Variants in LIN54 observed in about 807,000 individuals in gnomAD.
LIN54 encodes the protein protein lin-54 homolog.
A neutral mutation model predicts 78.7 loss-of-function variants in LIN54; 9 were observed. The ratio of observed to expected loss-of-function variants is 0.11; its 90% confidence interval spans 0.07 to 0.20. LIN54 has a LOEUF of 0.20. Among genes scored for constraint, LIN54 ranks in the 10% least tolerant of loss-of-function variants. The pLI, the probability that LIN54 is intolerant of heterozygous loss-of-function variation, is 1.00. For missense variants in LIN54, 573 were observed against 889.9 expected (o/e 0.64, Z 4.53); for synonymous variants, 269 against 318.4 (o/e 0.84, Z 1.65).
chr4:82,938,770 G>A (rs1722605426), intron 7 of LIN54, among the ~76,000 whole-genome samples: 1 of 152,190 alleles, frequency 6.6e-6, no homozygotes, highest in Non-Finnish European at 1.5e-5. Context: ...GGAATGATAG[G>A]AAATGCTAGA....
At chr4:82,982,862 T>G (rs1449146504) in intron 2 of LIN54, among the ~76,000 whole-genome samples, 1 of 152,182 alleles carries the variant, frequency 6.6e-6, no homozygotes, top group African/African-American at 2.4e-5. Flanking sequence ...AAAACATTAC[T>G]CTAATATCAG....
At chr4:82,999,421 G>A (rs1186823772) in intron 1 of LIN54, among the ~76,000 whole-genome samples, 1 of 152,212 alleles carries the variant, frequency 6.6e-6, no homozygotes, top group African/African-American at 2.4e-5. Context: ...CAGCAGATAC[G>A]AAAACCTTGC....
intron 4 of LIN54, among the ~76,000 whole-genome samples, chr4:82,947,222 TATATATATATATA>T (rs1204339235): frequency 1.8e-4 from 3 of 17,034 alleles, no homozygotes; most frequent in African/African-American, 5.4e-4. Flanking sequence ...TATATATATA[TATATATATATATA>T]TTTTTTTTTT....
At chr4:82,989,305 A>G (rs1369961782) in intron 1 of LIN54, among the ~76,000 whole-genome samples, 1 of 152,196 alleles carries the variant, frequency 6.6e-6, no homozygotes, top group African/African-American at 2.4e-5. Flanking sequence ...GTTTTGGGAC[A>G]CCAAAGTACT....
Position 83,010,685 on chromosome 4 carries a change from TCGCCGC to T in LIN54, c.-240_-235del, listed in dbSNP as rs1033848212. 18 of 1,154,232 alleles carry T rather than the reference TCGCCGC, an allele frequency of 1.6e-5. 1 individual carries two copies. Among genetic ancestry groups the T allele is most frequent in the Middle Eastern group, 3.5e-4 (1 of 2,828 alleles). The allele number at this position is 1,154,232 out of a possible 1,614,324, so 71.5% of individuals were successfully genotyped here. On this transcript the variant is annotated 5_prime_UTR_variant, in exon 1 of 13. Transcript: ENST00000340417. ...GGGAGCCGGGGTGGCGACGTCGCCG[TCGCCGC>T]CGCCTCTGGTATGTCAGGGGCCGGG...
upstream of LIN54, chr4:83,011,942 G>C: frequency 1.4e-6 from 1 of 722,520 alleles, no homozygotes; most frequent in Non-Finnish European, 1.7e-6. Context: ...CTGCGAACAG[G>C]GCCACTCTAC....
chr4:82,952,784 A>T (rs1429372438), intron 4 of LIN54, among the ~76,000 whole-genome samples: 1 of 152,198 alleles, frequency 6.6e-6, no homozygotes, highest in African/African-American at 2.4e-5. Context: ...TTCAGCCCTA[A>T]AAAGGAAGGG....
chr4:82,935,749 AT>A (rs939286319), intron 11 of LIN54, among the ~76,000 whole-genome samples: 1 of 152,168 alleles, frequency 6.6e-6, no homozygotes, highest in Non-Finnish European at 1.5e-5. Flanking sequence ...CCAAGAAGTT[AT>A]GGTAAATCAC....
At chr4:82,944,596 A>AC (rs1723203227) in intron 5 of LIN54, 1 of 942 alleles carries the variant, frequency 1.1e-3, no homozygotes, top group South Asian at 0.5. Context: ...TAAGATATAT[A>AC]CTAAATACTG....
chr4:82,963,621 T>C (rs923381067), intron 4 of LIN54, among the ~76,000 whole-genome samples: 8 of 151,826 alleles, frequency 5.3e-5, no homozygotes, highest in Non-Finnish European at 7.4e-5. Context: ...CATTAAGTAA[T>C]ATAAATTGGA....
chr4:82,938,144 A>G (rs112885877), intron 8 of LIN54, among the ~76,000 whole-genome samples: 185 of 152,328 alleles, frequency 1.2e-3, no homozygotes, highest in Middle Eastern at 6.8e-3. Flanking sequence ...AAGATAAAAA[A>G]TAGTTAGCAT....
intron 5 of LIN54, among the ~76,000 whole-genome samples, chr4:82,945,772 G>T (rs1723305535): frequency 1.3e-5 from 2 of 152,184 alleles, no homozygotes; most frequent in Non-Finnish European, 2.9e-5. Flanking sequence ...GGGATTACAG[G>T]TGTGAGCCAC....
intron 1 of LIN54, among the ~76,000 whole-genome samples, chr4:82,990,354 G>A (rs1276126751): frequency 1.3e-5 from 2 of 152,208 alleles, no homozygotes; most frequent in Non-Finnish European, 2.9e-5. Context: ...AGGAACATGA[G>A]CATTATGTGT....
intron 5 of LIN54, among the ~76,000 whole-genome samples, chr4:82,941,689 C>T (rs1355731208): frequency 1.3e-5 from 2 of 152,084 alleles, no homozygotes; most frequent in Non-Finnish European, 2.9e-5. Context: ...AGAGCAGATG[C>T]AAGAGACCTG....
chr4:82,926,850 A>G lies in LIN54; in HGVS notation c.*1252T>C, dbSNP rs1406684157. 1 of 152,190 alleles carries G rather than the reference A, an allele frequency of 6.6e-6. No homozygotes were observed. The highest frequency in any genetic ancestry group is 1.5e-5 in the Non-Finnish European group (1 of 68,034). 9.4% of individuals were successfully genotyped at this position (152,190 alleles called of 1,614,324 possible). On this transcript the variant is annotated 3_prime_UTR_variant, in exon 13 of 13. Transcript: ENST00000340417. ...GATTTGGTTTGAAACCTCTTAGTTC[A>G]AAAGTCTATAAAAAGGGCCTGGCAC...
chr4:82,994,932 G>C lies in LIN54; in HGVS notation c.-32-10056C>G, dbSNP rs544209968. ...TACGTTTTTACCTGTCCTGTTAAAAGAGACTGAGAATTATAGGAGTGGGAC... is the reference window on the plus strand; with the variant it reads ...TACGTTTTTACCTGTCCTGTTAAAACAGACTGAGAATTATAGGAGTGGGAC... On this transcript the variant is annotated intron_variant, in intron 1 of 12. Coordinates refer to ENST00000340417, the MANE Select transcript of LIN54 (RefSeq NM_194282.4). Among the ~76,000 whole-genome samples the C allele has an allele frequency of 3.9e-5, 6 of 152,108 alleles. No homozygotes were observed. The South Asian group carries it at 1.2e-3, about 32-fold the overall frequency.
Position 82,981,248 on chromosome 4 carries a change from T to C in LIN54, c.685-2242A>G, listed in dbSNP as rs17006422. Reference sequence around the variant, plus strand: ...ATTCAGGAGCTAGTAAGGAGTTATATTGTTCCAGACTGCTAGTTATGTACT... The same window carrying C: ...ATTCAGGAGCTAGTAAGGAGTTATACTGTTCCAGACTGCTAGTTATGTACT... On this transcript the variant is annotated intron_variant, in intron 2 of 12. Coordinates refer to ENST00000340417, the MANE Select transcript of LIN54 (RefSeq NM_194282.4). 6.7e-3 allele frequency among the ~76,000 whole-genome samples: 1,020 copies of C among 152,328 alleles called. 10 individuals are homozygous for C. The highest frequency in any genetic ancestry group is 0.023 in the African/African-American group (967 of 41,568).
intron 4 of LIN54, among the ~76,000 whole-genome samples, chr4:82,967,500 C>T (rs1232906992): frequency 1.3e-5 from 2 of 152,216 alleles, no homozygotes; most frequent in African/African-American, 2.4e-5. Flanking sequence ...AAGTTTCCCA[C>T]TGGCCATGTA....
At chr4:82,942,130 G>A (rs1722952681) in intron 5 of LIN54, among the ~76,000 whole-genome samples, 1 of 104,498 alleles carries the variant, frequency 9.6e-6, no homozygotes, top group Non-Finnish European at 1.8e-5. Flanking sequence ...TATGATATCA[G>A]CAGTTTTTTT....
Sources: allele counts gnomAD v4.1 joint callset (sites outside exome capture counted in the v4.1 genomes callset), GRCh38; gene constraint gnomAD v4.1.1; transcripts MANE v1.5; gene names NCBI Gene and HGNC (gene_info 2026-07-23, HGNC 2026-07-21).